TANC2: variants seen among roughly 807,000 people sequenced by gnomAD.
TANC2 encodes protein TANC2.
TANC2 carries 26 observed loss-of-function variants against 210.5 expected under a neutral mutation model. The observed-to-expected ratio is 0.12, with a 90% CI of 0.09 to 0.17. The LOEUF (loss-of-function observed/expected upper bound fraction) is 0.17. Ranked by LOEUF, TANC2 falls within the 10% of genes least tolerant of loss-of-function variation. The pLI, the probability that TANC2 is intolerant of heterozygous loss-of-function variation, is 1.00. For synonymous variants in TANC2, 931 were observed against 967.1 expected (o/e 0.96, Z 0.69); for missense variants, 2,129 against 2,608.9 (o/e 0.82, Z 4.01).
intron 12 of TANC2, among the ~76,000 whole-genome samples, chr17:63,349,364 T>C (rs57787934): frequency 0.021 from 3,211 of 152,288 alleles, 103 homozygotes; most frequent in African/African-American, 0.072. Context: ...TTTGCAATGA[T>C]ATCCCAAAGA....
chr17:63,194,513 C>T (rs748688972), intron 6 of TANC2, among the ~76,000 whole-genome samples: 18 of 152,210 alleles, frequency 1.2e-4, no homozygotes, highest in African/African-American at 1.9e-4. Flanking sequence ...ATTCCAGTTA[C>T]TGTGACCACA....
intron 8 of TANC2, among the ~76,000 whole-genome samples, chr17:63,262,761 G>T (rs966421245): frequency 1.3e-5 from 2 of 151,790 alleles, no homozygotes; most frequent in African/African-American, 4.8e-5. Flanking sequence ...CCTGCATCTT[G>T]GCCTAAACTC....
chr17:63,359,039 G>A (rs1054375319), intron 14 of TANC2, among the ~76,000 whole-genome samples: 4 of 150,188 alleles, frequency 2.7e-5, no homozygotes, highest in South Asian at 2.1e-4. Flanking sequence ...AGACTACTGC[G>A]TTATTATGTG....
chr17:63,141,980 GTGA>G (rs969721739), intron 4 of TANC2, among the ~76,000 whole-genome samples: 1 of 152,150 alleles, frequency 6.6e-6, no homozygotes, highest in Non-Finnish European at 1.5e-5. Context: ...AAGGCAAAGT[GTGA>G]TGATATTTAT....
rs142184983 is a variant in TANC2, at chr17:63,362,525, C to G, written c.2582+7135C>G. Among the ~76,000 whole-genome samples the G allele has an allele frequency of 1.4e-3, 215 of 151,800 alleles. 1 individual carries two copies. The highest frequency in any genetic ancestry group is 3.4e-3 in the Middle Eastern group (1 of 294). The stretch of plus-strand genomic sequence containing the variant: ...CCCAGGCTGTTCATGCCGAGAGGCA[C>G]CTGCAGGCCGAGAGGCACCTGCAGG... On this transcript the variant is annotated intron_variant, in intron 14 of 27. Transcript: ENST00000689528.
intron 14 of TANC2, among the ~76,000 whole-genome samples, chr17:63,369,614 C>A (rs2047207005): frequency 6.9e-6 from 1 of 145,802 alleles, no homozygotes; most frequent in African/African-American, 2.6e-5. Flanking sequence ...AGTGCAGTGG[C>A]ATGATCTCAG....
intron 3 of TANC2, among the ~76,000 whole-genome samples, chr17:63,079,603 T>A (rs1019952779): frequency 6.6e-6 from 1 of 152,218 alleles, no homozygotes; most frequent in Non-Finnish European, 1.5e-5. Context: ...AGATGCTAGT[T>A]CATTCAGAAC....
chr17:63,037,199 G>A (rs577169770), intron 2 of TANC2, among the ~76,000 whole-genome samples: 1 of 151,966 alleles, frequency 6.6e-6, no homozygotes, highest in African/African-American at 2.4e-5. Flanking sequence ...ATATCCAAAC[G>A]ACTAACGGGC....
chr17:63,303,130 G>T (rs184004532), intron 9 of TANC2, among the ~76,000 whole-genome samples: 1 of 152,288 alleles, frequency 6.6e-6, no homozygotes, highest in East Asian at 1.9e-4. Context: ...GTGTGAATTT[G>T]ATCCTATCAT....
intron 4 of TANC2, among the ~76,000 whole-genome samples, chr17:63,143,438 C>G (rs532511871): frequency 2.0e-5 from 3 of 152,208 alleles, no homozygotes; most frequent in South Asian, 4.2e-4. Flanking sequence ...TATTCTAGAG[C>G]TTTTAGCAAT....
intron 4 of TANC2, among the ~76,000 whole-genome samples, chr17:63,138,481 CT>C (rs2145286046): frequency 6.6e-6 from 1 of 152,154 alleles, no homozygotes; most frequent in Non-Finnish European, 1.5e-5. Context: ...TGCTTTCTTT[CT>C]TTTGTATTAG....
At chr17:63,127,801 C>G (rs1464992855) in intron 4 of TANC2, among the ~76,000 whole-genome samples, 2 of 152,136 alleles carry the variant, frequency 1.3e-5, no homozygotes, top group African/African-American at 2.4e-5. Flanking sequence ...ATTACCATGC[C>G]CTGCACACTG....
intron 4 of TANC2, among the ~76,000 whole-genome samples, chr17:63,122,514 A>G (rs1598430831): frequency 6.6e-6 from 1 of 152,118 alleles, no homozygotes; most frequent in Non-Finnish European, 1.5e-5. Context: ...AGGCAGGTGG[A>G]TTACTTGAGG....
intron 12 of TANC2, among the ~76,000 whole-genome samples, chr17:63,349,154 AT>A (rs2046513844): frequency 6.6e-6 from 1 of 152,202 alleles, no homozygotes; most frequent in Non-Finnish European, 1.5e-5. Context: ...GAAGAATAAA[AT>A]TAGCTTTATT....
intron 3 of TANC2, among the ~76,000 whole-genome samples, chr17:63,092,848 C>T (rs538502879): frequency 4.6e-5 from 7 of 152,162 alleles, no homozygotes; most frequent in Non-Finnish European, 1.0e-4. Flanking sequence ...GAGATAGGGG[C>T]GGGGCAAATA....
chr17:63,093,358 AT>A (rs1053148629), intron 3 of TANC2, among the ~76,000 whole-genome samples: 1 of 152,034 alleles, frequency 6.6e-6, no homozygotes, highest in African/African-American at 2.4e-5. Context: ...TAACAAAATT[AT>A]TTGTTGAAAA....
chr17:63,116,839 A>G (rs986446281), intron 4 of TANC2, among the ~76,000 whole-genome samples: 1 of 152,228 alleles, frequency 6.6e-6, no homozygotes, highest in African/African-American at 2.4e-5. Flanking sequence ...TTAACACTTA[A>G]TAAATTATGG....
chr17:63,208,544 C>G (rs1056195170), intron 7 of TANC2, among the ~76,000 whole-genome samples: 8 of 152,168 alleles, frequency 5.3e-5, no homozygotes, highest in African/African-American at 1.9e-4. Context: ...TTGCCAAATT[C>G]ATGAAGAACC....
intron 1 of TANC2, among the ~76,000 whole-genome samples, chr17:62,987,333 C>T (rs988196312): frequency 1.3e-5 from 2 of 152,128 alleles, no homozygotes; most frequent in African/African-American, 4.8e-5. Flanking sequence ...TGGCTACTGG[C>T]CCCCAGATGA....
Sources: allele counts gnomAD v4.1 joint callset (sites outside exome capture counted in the v4.1 genomes callset), GRCh38; gene constraint gnomAD v4.1.1; transcripts MANE v1.5; gene names NCBI Gene and HGNC (gene_info 2026-07-23, HGNC 2026-07-21).